GRIK2: variants seen among roughly 807,000 people sequenced by gnomAD.
The protein encoded by GRIK2 is glutamate ionotropic receptor kainate type subunit 2.
In GRIK2, 32 loss-of-function variants were observed where a neutral mutation model predicts 100.3. The ratio of observed to expected loss-of-function variants is 0.32; its 90% CI spans 0.24 to 0.43. The LOEUF (loss-of-function observed/expected upper bound fraction) is 0.43, where lower values mean the gene tolerates loss of function less well. Among genes scored for constraint, GRIK2 ranks in the 20% least tolerant of loss-of-function variants. GRIK2 has a pLI of 1.00. For missense variants in GRIK2, 843 were observed against 1,114.9 expected, an observed-to-expected ratio of 0.76 and a Z score of 3.47; for synonymous variants, 417 against 389.4, an observed-to-expected ratio of 1.07 and a Z score of -0.83.
chr6:101,626,584 T>A lies in GRIK2; in HGVS notation c.488T>A (p.Leu163Gln). The A allele has an allele frequency of 6.2e-7, 1 of 1,613,888 alleles. No individual in the cohort carries two copies. Reference sequence around the variant, plus strand: ...TCACTCAGCCGTGCCATTTTAGACCTGGTGCAGTTTTTCAAGTGGAAAACC... The same window carrying A: ...TCACTCAGCCGTGCCATTTTAGACCAGGTGCAGTTTTTCAAGTGGAAAACC... ...FSSLSRAILDLVQFFKWKTVT... is the reference protein window; with the variant it reads ...FSSLSRAILDQVQFFKWKTVT... The change falls in exon 4 of 17, where the codon CTG becomes CAG. Residue 163 changes from leucine (L) to glutamine (Q), a missense_variant. This residue lies in a region of GRIK2 where 519 missense variants were observed against 643.8 expected (regional missense o/e 0.81). Coordinates refer to ENST00000369134, the MANE Select transcript of GRIK2 (RefSeq NM_021956.5).
intron 2 of GRIK2, among the ~76,000 whole-genome samples, chr6:101,617,124 A>G (rs550763796): frequency 3.3e-5 from 5 of 151,808 alleles, no homozygotes; most frequent in East Asian, 3.9e-4. Flanking sequence ...TCAAACTTAG[A>G]AAGGCCTTAG....
At chr6:101,795,511 C>T (rs574796844) in intron 7 of GRIK2, among the ~76,000 whole-genome samples, 1 of 152,278 alleles carries the variant, frequency 6.6e-6, no homozygotes, top group African/African-American at 2.4e-5. Context: ...ATTGTTGGGC[C>T]TCCAGGAAGC....
intron 7 of GRIK2, among the ~76,000 whole-genome samples, chr6:101,736,828 A>T (rs1180046125): frequency 6.6e-6 from 1 of 151,968 alleles, no homozygotes; most frequent in Non-Finnish European, 1.5e-5. Context: ...AGAATATGGA[A>T]TTTTCTTTTC....
chr6:101,630,196 G>T lies in GRIK2; in HGVS notation c.541+3559G>T, dbSNP rs539289875. The stretch of plus-strand genomic sequence containing the variant: ...AACATATGCATGCATGTGTCTATTT[G>T]ATAGAATCATGTATTTTCCTTTGTG... On this transcript the variant is annotated intron_variant, in intron 4 of 16. Transcript: ENST00000369134. Among the ~76,000 whole-genome samples, 29 of 152,122 alleles carry T rather than the reference G, an allele frequency of 1.9e-4. No homozygotes were observed. In the East Asian group the frequency reaches 5.6e-3, roughly 29 times the overall value.
chr6:102,055,367 T>G lies in GRIK2; in HGVS notation c.2349T>G (p.Leu783=), dbSNP rs370800404. 1.2e-6 allele frequency: 2 copies of G among 1,611,928 alleles called. No homozygotes were observed. Among genetic ancestry groups the G allele is most frequent in the Non-Finnish European group, 1.7e-6 (2 of 1,178,086 alleles). Residue 783 remains leucine (L), a synonymous_variant, in exon 16 of 17, where the codon CTT becomes CTG. Transcript: ENST00000369134. The part of the protein sequence containing the change: ...PYRDKITIAI[L]QLQEEGKLHM... ...GAGACAAAATTACCATAGCAATTCTTCAGCTGCAAGAGGAAGGCAAACTGC... is the reference window on the plus strand; with the variant it reads ...GAGACAAAATTACCATAGCAATTCTGCAGCTGCAAGAGGAAGGCAAACTGC...
chr6:101,722,833 G>A (rs1337860946), intron 7 of GRIK2, among the ~76,000 whole-genome samples: 1 of 152,046 alleles, frequency 6.6e-6, no homozygotes, highest in Non-Finnish European at 1.5e-5. Context: ...GGCCAAAGCT[G>A]ACAGAAGAAA....
At chr6:101,699,285 C>T (rs1772713061) in intron 7 of GRIK2, among the ~76,000 whole-genome samples, 1 of 152,102 alleles carries the variant, frequency 6.6e-6, no homozygotes, top group Non-Finnish European at 1.5e-5. Context: ...TGTCTCCTCA[C>T]ATCCTGTCTG....
intron 12 of GRIK2, among the ~76,000 whole-genome samples, chr6:101,923,031 G>C (rs1472558276): frequency 6.6e-6 from 1 of 152,152 alleles, no homozygotes; most frequent in African/African-American, 2.4e-5. Context: ...TTTCTGTTTA[G>C]TGTGTCAGTT....
At chr6:101,488,030 C>G (rs2852535) in intron 2 of GRIK2, among the ~76,000 whole-genome samples, 12,467 of 145,916 alleles carry the variant, frequency 0.085, 1,622 homozygotes, top group Middle Eastern at 0.13. Context: ...AAGTCTTCAT[C>G]TTTTTACTTC....
intron 2 of GRIK2, among the ~76,000 whole-genome samples, chr6:101,621,111 ACT>A (rs1365287399): frequency 2.6e-5 from 4 of 152,138 alleles, no homozygotes; most frequent in Non-Finnish European, 4.4e-5. Flanking sequence ...CAAAATGCTA[ACT>A]CTCTTTTCTC....
intron 16 of GRIK2, among the ~76,000 whole-genome samples, chr6:102,066,178 T>C (rs1292165379): frequency 6.6e-6 from 1 of 151,576 alleles, no homozygotes; most frequent in African/African-American, 2.4e-5. Flanking sequence ...AAGTTTTGCC[T>C]AATTTTATTA....
chr6:101,842,648 A>G (rs1783584125), intron 10 of GRIK2, among the ~76,000 whole-genome samples: 1 of 152,164 alleles, frequency 6.6e-6, no homozygotes, highest in Non-Finnish European at 1.5e-5. Context: ...AGCAGCTGAA[A>G]GTTAAACTCA....
In GRIK2 at chr6:101,908,881, T is replaced by C. The variant is rs151037355; in HGVS notation, c.1749-15720T>C. Among the ~76,000 whole-genome samples, 131 of 151,446 alleles carry C rather than the reference T, an allele frequency of 8.6e-4. 1 individual carries two copies. The East Asian group carries it at 0.018, about 21-fold the overall frequency. On this transcript the variant is annotated intron_variant, in intron 12 of 16. Transcript: ENST00000369134. The stretch of plus-strand genomic sequence containing the variant: ...TTCTTTTGGAATGAAAAGGTGTTTT[T>C]ATGCCCCTCCCTTGTTTTATACATA...
rs1554284825 is a variant in GRIK2, at chr6:101,910,839, C to CCACACACACACACGCGCACA, written c.1749-13749_1749-13748insGCGCACACACACACACACAC. Among the ~76,000 whole-genome samples the CCACACACACACACGCGCACA allele has an allele frequency of 7.8e-3, 1,125 of 143,364 alleles. 14 individuals carry two copies. The highest frequency in any genetic ancestry group is 0.028 in the African/African-American group (1,072 of 37,828). The allele number at this position is 143,364 out of a possible 152,430, so 94.1% of individuals were successfully genotyped here. On this transcript the variant is annotated intron_variant, in intron 12 of 16. Coordinates refer to ENST00000369134, the MANE Select transcript of GRIK2 (RefSeq NM_021956.5). ...CACAGTAAAATAATACCAACATACA[C>CCACACACACACACGCGCACA]CACACACACACACACACACACACAC...
At chr6:101,624,818 A>T (rs530304075) in intron 3 of GRIK2, among the ~76,000 whole-genome samples, 1 of 152,028 alleles carries the variant, frequency 6.6e-6, no homozygotes, top group Non-Finnish European at 1.5e-5. Flanking sequence ...TGCAACCTCA[A>T]TGTCCCAGGC....
intron 9 of GRIK2, among the ~76,000 whole-genome samples, chr6:101,816,457 G>A (rs183287899): frequency 5.9e-5 from 9 of 152,198 alleles, no homozygotes; most frequent in African/African-American, 1.4e-4. Context: ...CAAGGCAGGC[G>A]GACCATGAGG....
chr6:101,851,745 C>A (rs1438865360), intron 10 of GRIK2, among the ~76,000 whole-genome samples: 1 of 145,262 alleles, frequency 6.9e-6, no homozygotes, highest in Non-Finnish European at 1.5e-5. Context: ...ATTTTGCATA[C>A]AATATAGCCC....
intron 10 of GRIK2, among the ~76,000 whole-genome samples, chr6:101,828,157 A>T (rs984161540): frequency 6.6e-6 from 1 of 152,014 alleles, no homozygotes; most frequent in East Asian, 1.9e-4. Flanking sequence ...CATAGAAACT[A>T]AACAACCTGC....
chr6:101,854,127 A>G (rs1258494003), intron 10 of GRIK2, among the ~76,000 whole-genome samples: 1 of 152,136 alleles, frequency 6.6e-6, no homozygotes, highest in Admixed American at 6.5e-5. Flanking sequence ...TGTTGTGAAC[A>G]TGTACTGATT....
Sources: gnomAD v4.1 joint callset for allele counts (sites outside exome capture counted in the v4.1 genomes callset) on GRCh38, gnomAD v4.1.1 for gene constraint, gnomAD v4.1.1 regional missense constraint, MANE v1.5 for transcripts, NCBI Gene and HGNC (gene_info 2026-07-23, HGNC 2026-07-21) for gene names.